The following ATP6V0A4 variants were observed in gnomAD, a reference collection of about 807,000 sequenced individuals.
The protein encoded by ATP6V0A4 is ATPase H+ transporting V0 subunit a4.
ATP6V0A4 carries 86 observed loss-of-function variants against 107.3 expected under a neutral mutation model. The observed-to-expected ratio is 0.80, with a 90% CI of 0.67 to 0.96. The LOEUF is 0.96. Ranked by LOEUF, ATP6V0A4 falls within the 40% of genes least tolerant of loss-of-function variation. The pLI is 0.00. For synonymous variants in ATP6V0A4, 353 were observed against 381.4 expected, an observed-to-expected ratio of 0.93 and a Z score of 0.87; for missense variants, 908 against 1,045.6, an observed-to-expected ratio of 0.87 and a Z score of 1.81.
intron 3 of ATP6V0A4, 103 bp downstream of exon 3, chr7:138,771,028 T>A: frequency 2.6e-6 from 3 of 1,167,016 alleles, no homozygotes; most frequent in Non-Finnish European, 3.8e-6. Flanking sequence ...TCACGGCTCC[T>A]CTCCCTACAA....
At chr7:138,759,119 G>A (rs1358633928) in intron 8 of ATP6V0A4, among the ~76,000 whole-genome samples, 1 of 138,476 alleles carries the variant, frequency 7.2e-6, no homozygotes, top group Non-Finnish European at 1.5e-5. Flanking sequence ...GAGTGCAGTG[G>A]TGTGATCATA....
intron 1 of ATP6V0A4, among the ~76,000 whole-genome samples, chr7:138,787,018 C>G (rs982554747): frequency 6.6e-5 from 10 of 152,142 alleles, no homozygotes; most frequent in Admixed American, 2.0e-4. Context: ...GAAGAAACTT[C>G]GAGATCACCT....
chr7:138,771,204 A>T lies in ATP6V0A4; in HGVS notation c.44T>A (p.Leu15Gln), dbSNP rs1374810796. 6.2e-7 allele frequency: 1 copy of T among 1,614,214 alleles called. No homozygotes were observed. Residue 15 changes from leucine (L) to glutamine (Q), a missense_variant, in exon 3 of 22, where the codon CTG becomes CAG. Coordinates refer to ENST00000310018, the MANE Select transcript of ATP6V0A4 (RefSeq NM_020632.3). ...ATATGCAGCTTCCACCTGGAGAAACAGTTGTGACAAACACATCTCCTCGCT... is the reference window on the plus strand; with the variant it reads ...ATATGCAGCTTCCACCTGGAGAAACTGTTGTGACAAACACATCTCCTCGCT... ...FRSEEMCLSQ[L>Q]FLQVEAAYCC...
chr7:138,768,124 G>A (rs1230588917), intron 5 of ATP6V0A4, among the ~76,000 whole-genome samples: 1 of 152,142 alleles, frequency 6.6e-6, no homozygotes, highest in Non-Finnish European at 1.5e-5. Flanking sequence ...AGTAGAGACA[G>A]GGTTTCACCA....
chr7:138,725,971 T>C (rs995068423), intron 18 of ATP6V0A4, among the ~76,000 whole-genome samples: 1 of 148,898 alleles, frequency 6.7e-6, no homozygotes, highest in Admixed American at 6.7e-5. Context: ...AACGCACATG[T>C]TGAAATGAAG....
rs1226240971 is a variant in ATP6V0A4 at position 138,752,793 on chromosome 7, T to C, written c.861A>G (p.Glu287=). 1.2e-6 allele frequency: 2 copies of C among 1,614,094 alleles called. No individual in the cohort carries two copies. The highest frequency in any genetic ancestry group is 4.5e-5 in the East Asian group (2 of 44,896). ...GCCAGGAGTGCCAGTTGGCAGCGGC[T>C]TCCTGCAGCAGGCGCTGGCGGTGAG... ...TESHRQRLLQ[E]AAANWHSWLI... is the part of the protein sequence containing the mutation. Residue 287 remains glutamate (E), a synonymous_variant, in exon 11 of 22, where the codon GAA becomes GAG. Transcript: ENST00000310018.
chr7:138,749,797 C>T (rs926600745), intron 11 of ATP6V0A4, among the ~76,000 whole-genome samples: 1 of 152,184 alleles, frequency 6.6e-6, no homozygotes, highest in Non-Finnish European at 1.5e-5. Context: ...AAACTCCCTG[C>T]CCCTTCAGCA....
intron 20 of ATP6V0A4, among the ~76,000 whole-genome samples, chr7:138,711,101 G>A (rs534526702): frequency 1.4e-5 from 2 of 147,484 alleles, no homozygotes; most frequent in African/African-American, 5.0e-5. Flanking sequence ...TTCCCTACCC[G>A]TTACCTCCTC....
At chr7:138,715,295 G>A (rs1169716612) in intron 20 of ATP6V0A4, among the ~76,000 whole-genome samples, 2 of 152,136 alleles carry the variant, frequency 1.3e-5, no homozygotes, top group African/African-American at 2.4e-5. Context: ...TCTGCCTTCC[G>A]GGTTCAAGCA....
At chr7:138,763,597 T>A (rs1806938615) in intron 5 of ATP6V0A4, among the ~76,000 whole-genome samples, 1 of 151,948 alleles carries the variant, frequency 6.6e-6, no homozygotes, top group Non-Finnish European at 1.5e-5. Context: ...CACTGCACTC[T>A]AGCCTGGGCG....
chr7:138,744,223 C>T (rs1175481983), intron 14 of ATP6V0A4, among the ~76,000 whole-genome samples: 1 of 149,300 alleles, frequency 6.7e-6, no homozygotes, highest in Non-Finnish European at 1.5e-5. Context: ...ACAAAACCAA[C>T]CATTTCCTCA....
Position 138,707,712 on chromosome 7 carries a change from A to T in ATP6V0A4, c.2430-995T>A, listed in dbSNP as rs114470724. 4.5e-3 allele frequency among the ~76,000 whole-genome samples: 678 copies of T among 151,422 alleles called. 8 individuals carry two copies. The highest frequency in any genetic ancestry group is 0.027 in the South Asian group (128 of 4,784). ...CCACTGCATCCAGGCCATGAATCTGAGGATTTTTTAAGCCCTTCTCTCATC... is the reference window on the plus strand; with the variant it reads ...CCACTGCATCCAGGCCATGAATCTGTGGATTTTTTAAGCCCTTCTCTCATC... On this transcript the variant is annotated intron_variant, in intron 21 of 21. Coordinates refer to ENST00000310018, the MANE Select transcript of ATP6V0A4 (RefSeq NM_020632.3).
intron 2 of ATP6V0A4, among the ~76,000 whole-genome samples, chr7:138,771,966 T>C (rs75687675): frequency 0.038 from 5,817 of 152,154 alleles, 350 homozygotes; most frequent in East Asian, 0.26. Flanking sequence ...TTGTGGAGGG[T>C]ATGAGAAAAC....
chr7:138,707,256 T>TATATTATATAATATATA, intron 21 of ATP6V0A4, among the ~76,000 whole-genome samples: 1 of 80,996 alleles, frequency 1.2e-5, no homozygotes, highest in Admixed American at 2.1e-4. Context: ...TTATATAGAA[T>TATATTATATAATATATA]ATATATTATA....
chr7:138,725,352 C>G lies in ATP6V0A4; in HGVS notation c.2011-3327G>C, dbSNP rs149331700. ...TTTATAGTATCACCATTTGTAATTACTAACACTGCAATGTTGGATGAGAGA... is the reference window on the plus strand; with the variant it reads ...TTTATAGTATCACCATTTGTAATTAGTAACACTGCAATGTTGGATGAGAGA... On this transcript the variant is annotated intron_variant, in intron 18 of 21. Coordinates refer to ENST00000310018, the MANE Select transcript of ATP6V0A4 (RefSeq NM_020632.3). 4.3e-3 allele frequency among the ~76,000 whole-genome samples: 658 copies of G among 152,310 alleles called. 4 individuals carry two copies. The highest frequency in any genetic ancestry group is 7.8e-3 in the Non-Finnish European group (530 of 68,034).
chr7:138,715,733 T>C (rs766176126), intron 20 of ATP6V0A4, 31 bp downstream of exon 20: 1 of 1,607,124 alleles, frequency 6.2e-7, no homozygotes, highest in South Asian at 1.1e-5. Context: ...TGGGGAGAGC[T>C]GACTGTCCCC....
At chr7:138,732,343 T>C (rs78129945) in intron 17 of ATP6V0A4, among the ~76,000 whole-genome samples, 2 of 152,166 alleles carry the variant, frequency 1.3e-5, no homozygotes, top group Admixed American at 6.5e-5. Context: ...ATCCCTTTCA[T>C]GTATTACCCC....
chr7:138,784,257 T>TATATATATAC (rs1309786512), intron 2 of ATP6V0A4, among the ~76,000 whole-genome samples: 1 of 32,838 alleles, frequency 3.0e-5, no homozygotes, highest in Non-Finnish European at 6.4e-5. Flanking sequence ...TATATACATA[T>TATATATATAC]ATATATATAC....
chr7:138,707,160 A>C (rs369911383), intron 21 of ATP6V0A4, among the ~76,000 whole-genome samples: 1 of 77,776 alleles, frequency 1.3e-5, no homozygotes, highest in South Asian at 3.2e-4. Context: ...ATTAATATAT[A>C]ATATATTATA....
Sources: gnomAD v4.1 joint callset for allele counts (sites outside exome capture counted in the v4.1 genomes callset) on GRCh38, gnomAD v4.1.1 for gene constraint, MANE v1.5 for transcripts, NCBI Gene and HGNC (gene_info 2026-07-23, HGNC 2026-07-21) for gene names.